Variants in SH3RF1 observed in about 807,000 individuals in gnomAD.
The protein encoded by SH3RF1 is SH3 domain containing ring finger 1, also known as E3 ubiquitin-protein ligase SH3RF1.
A neutral mutation model predicts 74.0 loss-of-function variants in SH3RF1; 32 were observed. The ratio of observed to expected loss-of-function variants is 0.43; its 90% CI spans 0.33 to 0.58. The LOEUF (loss-of-function observed/expected upper bound fraction) is 0.58. Ranked by LOEUF, SH3RF1 falls within the 20% of genes least tolerant of loss-of-function variation. SH3RF1 has a pLI of 0.05. For missense variants in SH3RF1, 954 were observed against 1,130.9 expected (o/e 0.84, Z 2.24); for synonymous variants, 396 against 439.6 (o/e 0.90, Z 1.24).
chr4:169,198,190 T>G (rs918220248), intron 2 of SH3RF1, among the ~76,000 whole-genome samples: 1 of 152,220 alleles, frequency 6.6e-6, no homozygotes, highest in Admixed American at 6.5e-5. Context: ...CATCTTCATT[T>G]GCTTTCCATA....
intron 2 of SH3RF1, among the ~76,000 whole-genome samples, chr4:169,228,804 C>T (rs1730690372): frequency 6.6e-6 from 1 of 152,178 alleles, no homozygotes; most frequent in Non-Finnish European, 1.5e-5. Flanking sequence ...ACATATACCA[C>T]ACCCATACCC....
intron 2 of SH3RF1, among the ~76,000 whole-genome samples, chr4:169,203,240 G>T (rs539189600): frequency 6.6e-6 from 1 of 152,242 alleles, no homozygotes; most frequent in Non-Finnish European, 1.5e-5. Context: ...CTTTGTAGTT[G>T]AAAGAGCAAA....
rs147117658 is a variant in SH3RF1 at position 169,103,703 on chromosome 4, A to ACAG, written c.2498+3141_2498+3143dup. Among the ~76,000 whole-genome samples the ACAG allele has an allele frequency of 5.9e-3, 891 of 152,282 alleles. 9 individuals are homozygous for ACAG. Among genetic ancestry groups the ACAG allele is most frequent in the South Asian group, 0.026 (126 of 4,826 alleles). On this transcript the variant is annotated intron_variant, in intron 11 of 11. Coordinates refer to ENST00000284637, the MANE Select transcript of SH3RF1 (RefSeq NM_020870.4). Reference sequence around the variant, plus strand: ...TTTTTCCTGTTATTTTTACTGTGAGACAGATCTAAGAATCCAAGGTAAATA... The same window carrying ACAG: ...TTTTTCCTGTTATTTTTACTGTGAGACAGCAGATCTAAGAATCCAAGGTAAATA...
intron 9 of SH3RF1, among the ~76,000 whole-genome samples, 178 bp from the exon 10 acceptor site, chr4:169,116,808 A>G (rs895918605): frequency 3.3e-5 from 5 of 152,204 alleles, no homozygotes; most frequent in African/African-American, 9.7e-5. Context: ...ATCCCCAGAC[A>G]CTATCTATTG....
At chr4:169,223,640 C>T (rs1215768605) in intron 2 of SH3RF1, among the ~76,000 whole-genome samples, 1 of 152,168 alleles carries the variant, frequency 6.6e-6, no homozygotes. Context: ...TTATGTCCTT[C>T]TTTCCATGTT....
At chr4:169,203,206 A>G (rs1306936020) in intron 2 of SH3RF1, among the ~76,000 whole-genome samples, 1 of 152,228 alleles carries the variant, frequency 6.6e-6, no homozygotes, top group Non-Finnish European at 1.5e-5. Flanking sequence ...CAGAGTATCA[A>G]CTCATAACTC....
Position 169,102,915 on chromosome 4 carries a change from CTTTTTTTTT to C in SH3RF1, c.2498+3923_2498+3931del, listed in dbSNP as rs66574732. ...CAGCACCGGCTGCCCCAGTCACATT[CTTTTTTTTT>C]TTTTTTTTTTTTTTTGAGATGGAGT... On this transcript the variant is annotated intron_variant, in intron 11 of 11. Transcript: ENST00000284637. Among the ~76,000 whole-genome samples, 110 of 66,894 alleles carry C rather than the reference CTTTTTTTTT, an allele frequency of 1.6e-3. 3 individuals carry two copies. The Middle Eastern group carries it at 0.056, about 34-fold the overall frequency. 43.9% of individuals were successfully genotyped at this position (66,894 alleles called of 152,430 possible).
intron 2 of SH3RF1, among the ~76,000 whole-genome samples, chr4:169,158,916 G>T (rs762385773): frequency 5.3e-5 from 8 of 152,156 alleles, no homozygotes; most frequent in Non-Finnish European, 7.4e-5. Context: ...CTCTCAAAAT[G>T]CTATTGGCAA....
chr4:169,164,861 T>C lies in SH3RF1; in HGVS notation c.394-8182A>G, dbSNP rs541174591. ...ACAGTCATGCAGTTGATATGGCATT[T>C]CTCTTGGATGGCCTTAGTACCCAAC... On this transcript the variant is annotated intron_variant, in intron 2 of 11. Coordinates refer to ENST00000284637, the MANE Select transcript of SH3RF1 (RefSeq NM_020870.4). 3.9e-5 allele frequency among the ~76,000 whole-genome samples: 6 copies of C among 152,316 alleles called. No individual in the cohort carries two copies. The East Asian group carries it at 9.6e-4, about 24-fold the overall frequency.
chr4:169,201,666 T>C (rs1183045725), intron 2 of SH3RF1: 2 of 152,336 alleles, frequency 1.3e-5, no homozygotes, highest in Non-Finnish European at 2.9e-5. Context: ...TAATTTTGTA[T>C]TCATAATACC....
chr4:169,266,214 A>G (rs1731352188), intron 2 of SH3RF1, among the ~76,000 whole-genome samples: 1 of 152,252 alleles, frequency 6.6e-6, no homozygotes, highest in African/African-American at 2.4e-5. Context: ...AACATTCAAT[A>G]TACTTTGGCT....
intron 11 of SH3RF1, among the ~76,000 whole-genome samples, chr4:169,097,680 C>A (rs574144870): frequency 1.9e-4 from 29 of 152,274 alleles, no homozygotes; most frequent in African/African-American, 7.0e-4. Context: ...TGTATGGTAG[C>A]CAACCTCCAA....
At chr4:169,169,111 G>A (rs533208808) in intron 2 of SH3RF1, among the ~76,000 whole-genome samples, 4 of 152,230 alleles carry the variant, frequency 2.6e-5, no homozygotes, top group African/African-American at 4.8e-5. Context: ...GCATATTACT[G>A]TTACTGTTCT....
chr4:169,231,967 C>T (rs1282829557), intron 2 of SH3RF1, among the ~76,000 whole-genome samples: 2 of 152,112 alleles, frequency 1.3e-5, no homozygotes, highest in Non-Finnish European at 2.9e-5. Context: ...GAGACATATT[C>T]CAGACATAGT....
At chr4:169,149,973 A>AACACAG (rs1438131021) in intron 4 of SH3RF1, among the ~76,000 whole-genome samples, 1 of 152,172 alleles carries the variant, frequency 6.6e-6, no homozygotes, top group Non-Finnish European at 1.5e-5. Flanking sequence ...TATTCTTTGG[A>AACACAG]ACACAGACAT....
At chr4:169,188,906 G>A (rs1178796158) in intron 2 of SH3RF1, among the ~76,000 whole-genome samples, 3 of 152,130 alleles carry the variant, frequency 2.0e-5, no homozygotes, top group Admixed American at 2.0e-4. Context: ...GTTTATCAAT[G>A]TACCACTTGT....
Position 169,257,911 on chromosome 4 carries a change from GCA to G in SH3RF1, c.393+10907_393+10908del, listed in dbSNP as rs571886033. Among the ~76,000 whole-genome samples, 5 of 152,258 alleles carry G rather than the reference GCA, an allele frequency of 3.3e-5. No homozygotes were observed. In the East Asian group the frequency reaches 5.8e-4, roughly 18 times the overall value. On this transcript the variant is annotated intron_variant, in intron 2 of 11. Coordinates refer to ENST00000284637, the MANE Select transcript of SH3RF1 (RefSeq NM_020870.4). ...GTTCATCTGAAGGCTCCTGTGGCAG[GCA>G]CAGTGTGGGCTTCTAAGGGAACATT... is the stretch of plus-strand genomic sequence containing the variant.
chr4:169,138,726 T>C (rs1329210342), intron 4 of SH3RF1, among the ~76,000 whole-genome samples: 2 of 152,210 alleles, frequency 1.3e-5, no homozygotes, highest in Non-Finnish European at 2.9e-5. Flanking sequence ...AAAATTACTA[T>C]AGTCTCATCA....
chr4:169,189,746 C>T (rs920949121), intron 2 of SH3RF1, among the ~76,000 whole-genome samples: 2 of 152,108 alleles, frequency 1.3e-5, no homozygotes, highest in Non-Finnish European at 2.9e-5. Context: ...CTCGAATCCC[C>T]AAAGTTTAAT....
Sources: gnomAD v4.1 joint callset for allele counts (sites outside exome capture counted in the v4.1 genomes callset) on GRCh38, gnomAD v4.1.1 for gene constraint, MANE v1.5 for transcripts, NCBI Gene and HGNC (gene_info 2026-07-23, HGNC 2026-07-21) for gene names.